Variants in EPB41L1 observed in about 807,000 individuals in gnomAD.
EPB41L1 encodes the protein erythrocyte membrane protein band 4.1 like 1.
A neutral mutation model predicts 97.8 loss-of-function variants in EPB41L1; 29 were observed. That is an observed-to-expected ratio of 0.30 (90% CI 0.22 to 0.40). The LOEUF (loss-of-function observed/expected upper bound fraction) is 0.40, where lower values mean the gene tolerates loss of function less well. Among genes scored for constraint, EPB41L1 ranks in the 10% least tolerant of loss-of-function variants. The probability of loss-of-function intolerance (pLI) is 1.00; values close to 1 mark genes in which losing one functional copy is unlikely to be tolerated. For missense variants in EPB41L1, 812 were observed against 1,162.3 expected (o/e 0.70, Z 4.38); for synonymous variants, 383 against 459.2 (o/e 0.83, Z 2.12).
intron 1 of EPB41L1, among the ~76,000 whole-genome samples, chr20:36,094,507 A>G (rs1337978211): frequency 1.3e-5 from 2 of 152,180 alleles, no homozygotes; most frequent in Non-Finnish European, 2.9e-5. Context: ...TCCAAGTGCA[A>G]GAATTCTTCC....
chr20:36,208,167 T>A, intron 14 of EPB41L1: 1 of 321,846 alleles, frequency 3.1e-6, no homozygotes, highest in Non-Finnish European at 6.1e-6. Context: ...TCTTCATCCT[T>A]TCCCATCCCT....
rs1362218075 is a variant in EPB41L1, at chr20:36,185,297, G to A, written c.747G>A (p.Glu249=). 1 of 1,613,550 alleles carries A rather than the reference G, an allele frequency of 6.2e-7. No individual in the cohort carries two copies. Among genetic ancestry groups the A allele is most frequent in the Non-Finnish European group, 8.5e-7 (1 of 1,180,052 alleles). The stretch of plus-strand genomic sequence containing the variant: ...GCTTCGCCCCTAACCAGACCCGGGA[G>A]CTGGAGGAGAGGATCATGGAGCTGC... The part of the protein sequence containing the change: ...ELRFAPNQTR[E]LEERIMELHK... The change falls in exon 7 of 22, where the codon GAG becomes GAA. Residue 249 remains glutamate (E), a synonymous_variant. Transcript: ENST00000338074.
At chr20:36,202,492 C>T (rs2062551183) in intron 14 of EPB41L1, among the ~76,000 whole-genome samples, 1 of 152,092 alleles carries the variant, frequency 6.6e-6, no homozygotes. Flanking sequence ...GGACCCCCTC[C>T]TCGTATAAAG....
At chr20:36,097,800 GGT>G (rs1439575290) in intron 1 of EPB41L1, among the ~76,000 whole-genome samples, 1 of 152,218 alleles carries the variant, frequency 6.6e-6, no homozygotes, top group Non-Finnish European at 1.5e-5. Context: ...AATAGGAGGT[GGT>G]GAGTGGCAGG....
At chr20:36,196,063 C>T (rs1165373909) in intron 13 of EPB41L1, among the ~76,000 whole-genome samples, 1 of 152,232 alleles carries the variant, frequency 6.6e-6, no homozygotes, top group Non-Finnish European at 1.5e-5. Flanking sequence ...CCCTCTCACA[C>T]AGTCACCAAC....
intron 1 of EPB41L1, among the ~76,000 whole-genome samples, chr20:36,161,029 A>T (rs955296064): frequency 2.0e-5 from 3 of 152,256 alleles, no homozygotes; most frequent in Non-Finnish European, 4.4e-5. Context: ...GTCAGAAACC[A>T]TGAGACCGTG....
At chr20:36,200,134 C>G (rs2062421252) in intron 14 of EPB41L1, among the ~76,000 whole-genome samples, 2 of 152,160 alleles carry the variant, frequency 1.3e-5, no homozygotes, top group Non-Finnish European at 2.9e-5. Context: ...GGGGAGGTGC[C>G]ATAGACAAGG....
At chr20:36,188,837 G>A (rs1488218632) in intron 9 of EPB41L1, among the ~76,000 whole-genome samples, 2 of 146,084 alleles carry the variant, frequency 1.4e-5, no homozygotes. Context: ...AAATTAGCTG[G>A]CACTGCACTC....
chr20:36,209,471 A>G lies in EPB41L1; in HGVS notation c.1669-17A>G. 6.2e-7 allele frequency: 1 copy of G among 1,610,582 alleles called. No individual in the cohort carries two copies. The highest frequency in any genetic ancestry group is 1.1e-5 in the South Asian group (1 of 90,874). On this transcript the variant is annotated splice_polypyrimidine_tract_variant and intron_variant, in intron 14 of 21. Transcript: ENST00000338074. The surrounding 1 kb of genome is among the most constrained non-coding windows in gnomAD (Gnocchi z 4.2). ...CCCACCCCACATCCCCATTCTTTTGATTTTATCTGGCCATAGAGAGCAGGG... is the reference window on the plus strand; with the variant it reads ...CCCACCCCACATCCCCATTCTTTTGGTTTTATCTGGCCATAGAGAGCAGGG...
intron 2 of EPB41L1, among the ~76,000 whole-genome samples, chr20:36,118,947 A>G (rs920741949): frequency 2.0e-5 from 3 of 152,232 alleles, no homozygotes; most frequent in African/African-American, 7.2e-5. Context: ...GGGCAATTGA[A>G]TTAGAGTTTT....
At chr20:36,143,529 A>G (rs927003727) in intron 2 of EPB41L1, among the ~76,000 whole-genome samples, 4 of 152,162 alleles carry the variant, frequency 2.6e-5, no homozygotes, top group African/African-American at 9.7e-5. Context: ...GTTCCTTTAA[A>G]TTAGATACAA....
chr20:36,187,596 C>T, intron 7 of EPB41L1, 80 bp from the exon 8 acceptor site: 1 of 1,134,290 alleles, frequency 8.8e-7, no homozygotes, highest in Admixed American at 1.9e-5. Context: ...ATCATGGGTT[C>T]TGATGGTGGG....
chr20:36,188,641 C>CACACAGAG lies in EPB41L1; in HGVS notation c.1026+143_1026+144insCACAGAGA, dbSNP rs1170858082. The stretch of plus-strand genomic sequence containing the variant: ...ACACACACACACACACACACACACA[C>CACACAGAG]AGAGAGAGAGAGAGAGAGAGAGAGA... On this transcript the variant is annotated intron_variant, in intron 9 of 21. Coordinates refer to ENST00000338074, the MANE Select transcript of EPB41L1 (RefSeq NM_012156.2). 5.8e-5 allele frequency: 16 copies of CACACAGAG among 273,754 alleles called. No homozygotes were observed. The East Asian group carries it at 7.3e-4, about 13-fold the overall frequency. 17.0% of individuals were successfully genotyped at this position (273,754 alleles called of 1,614,324 possible).
intron 11 of EPB41L1, 78 bp from the exon 12 acceptor site, chr20:36,194,134 G>A: frequency 6.3e-7 from 1 of 1,597,508 alleles, no homozygotes; most frequent in Admixed American, 1.7e-5. Flanking sequence ...GGCGTGGTTG[G>A]GCAGGGCTGG....
chr20:36,195,423 A>C lies in EPB41L1; in HGVS notation c.1485+59A>C. On this transcript the variant is annotated intron_variant, in intron 13 of 21. Transcript: ENST00000338074. The surrounding 1 kb of genome is among the most constrained non-coding windows in gnomAD (Gnocchi z 4.6). The stretch of plus-strand genomic sequence containing the variant: ...CGTTCCCATCCCTAGCTCATTTGTC[A>C]CCATCCCACAGTCCATCCCAGGCTC... The C allele has an allele frequency of 6.3e-7, 1 of 1,590,298 alleles. No individual in the cohort carries two copies. Among genetic ancestry groups the C allele is most frequent in the Non-Finnish European group, 8.6e-7 (1 of 1,159,118 alleles).
intron 1 of EPB41L1, among the ~76,000 whole-genome samples, chr20:36,111,081 G>C (rs992265926): frequency 2.0e-5 from 3 of 152,150 alleles, no homozygotes; most frequent in African/African-American, 7.2e-5. Context: ...TTGCTGAGCT[G>C]TTCACAGGCA....
intron 2 of EPB41L1, among the ~76,000 whole-genome samples, chr20:36,139,819 C>T (rs866508038): frequency 1.4e-4 from 21 of 152,050 alleles, no homozygotes; most frequent in African/African-American, 5.1e-4. Flanking sequence ...GCAACCTCTG[C>T]CTCCTGGGTT....
Position 36,206,021 on chromosome 20 carries a change from T to C in EPB41L1, c.1669-3467T>C. The C allele has an allele frequency of 7.8e-7, 1 of 1,289,776 alleles. No homozygotes were observed. Among genetic ancestry groups the C allele is most frequent in the Non-Finnish European group, 1.0e-6 (1 of 988,852 alleles). 79.9% of individuals were successfully genotyped at this position (1,289,776 alleles called of 1,614,324 possible). A position where few individuals can be genotyped will look rare whatever the true frequency, so the allele number is the denominator to read the frequency against. On this transcript the variant is annotated intron_variant, in intron 14 of 21. Transcript: ENST00000338074. The surrounding 1 kb of genome is among the most constrained non-coding windows in gnomAD (Gnocchi z 5.5). ...CTGGTGGACAAGTTCAAAGTGGAAGTGGCCACAGAAGAAATGGTGGGAAAC... is the reference window on the plus strand; with the variant it reads ...CTGGTGGACAAGTTCAAAGTGGAAGCGGCCACAGAAGAAATGGTGGGAAAC...
chr20:36,192,789 T>C (rs1185676245), intron 11 of EPB41L1, among the ~76,000 whole-genome samples: 3 of 152,120 alleles, frequency 2.0e-5, no homozygotes, highest in Admixed American at 2.0e-4. Context: ...GGGAAAAGCA[T>C]GTGTAGAATG....
Sources: gnomAD v4.1 joint callset for allele counts (sites outside exome capture counted in the v4.1 genomes callset) on GRCh38, gnomAD v4.1.1 for gene constraint, Gnocchi (gnomAD v3.1) non-coding constraint, MANE v1.5 for transcripts, NCBI Gene and HGNC (gene_info 2026-07-23, HGNC 2026-07-21) for gene names.